FTO: variants seen among roughly 807,000 people sequenced by gnomAD.
FTO encodes alpha-ketoglutarate-dependent dioxygenase FTO.
FTO carries 47 observed loss-of-function variants against 63.9 expected under a neutral mutation model. That is an observed-to-expected ratio of 0.74 (90% CI 0.58 to 0.94). The LOEUF is 0.94. FTO is among the 40% of genes least tolerant of loss of function. FTO has a pLI of 0.00. For synonymous variants in FTO, 207 were observed against 224.4 expected (o/e 0.92, Z 0.69); for missense variants, 562 against 618.1 (o/e 0.91, Z 0.96).
At chr16:53,916,895 G>A (rs2081882818) in intron 7 of FTO, among the ~76,000 whole-genome samples, 2 of 152,224 alleles carry the variant, frequency 1.3e-5, no homozygotes, top group African/African-American at 2.4e-5. Flanking sequence ...TTTGGTGGTT[G>A]TCTTTCTGAG....
chr16:53,953,676 C>T (rs1264368469), intron 8 of FTO, among the ~76,000 whole-genome samples: 1 of 152,132 alleles, frequency 6.6e-6, no homozygotes, highest in Non-Finnish European at 1.5e-5. Flanking sequence ...ATAATATAAA[C>T]ACGTAGGAAT....
At chr16:53,865,651 C>A (rs9936768) in intron 4 of FTO, among the ~76,000 whole-genome samples, 1 of 151,994 alleles carries the variant, frequency 6.6e-6, no homozygotes, top group East Asian at 1.9e-4. Context: ...GTCTGCTTAT[C>A]GTCTCCTCCC....
At chr16:53,756,940 G>A (rs1240082281) in intron 1 of FTO, among the ~76,000 whole-genome samples, 4 of 152,094 alleles carry the variant, frequency 2.6e-5, no homozygotes, top group Non-Finnish European at 5.9e-5. Flanking sequence ...ATAAATGACA[G>A]GCCTGTTAAT....
intron 8 of FTO, among the ~76,000 whole-genome samples, chr16:54,020,475 A>G (rs1297063074): frequency 6.6e-6 from 1 of 152,230 alleles, no homozygotes; most frequent in Middle Eastern, 3.2e-3. Context: ...TTTTTACAAC[A>G]TAAGTACATG....
At position 53,733,885 on chromosome 16, in the gene FTO, T is replaced by C. The variant is rs149722153; in HGVS notation, c.45+29656T>C. On this transcript the variant is annotated intron_variant, in intron 1 of 8. Transcript: ENST00000471389. The stretch of plus-strand genomic sequence containing the variant: ...CAGAATAAAAAGAGGTTTAAATTAA[T>C]GGAAAACTGACTGGAAGGAAGATAT... 7.2e-5 allele frequency among the ~76,000 whole-genome samples: 11 copies of C among 152,268 alleles called. No homozygotes were observed. In the East Asian group the frequency reaches 2.1e-3, roughly 29 times the overall value.
intron 2 of FTO, among the ~76,000 whole-genome samples, chr16:53,824,776 C>T (rs565076589): frequency 6.6e-6 from 1 of 152,086 alleles, no homozygotes; most frequent in Non-Finnish European, 1.5e-5. Context: ...TTTAAGACAG[C>T]CTAAAACTAG....
intron 1 of FTO, among the ~76,000 whole-genome samples, chr16:53,728,274 A>T (rs2076196821): frequency 6.6e-6 from 1 of 152,060 alleles, no homozygotes; most frequent in Non-Finnish European, 1.5e-5. Flanking sequence ...ACTTGAGCTG[A>T]ATAAACATTC....
intron 3 of FTO, 140 bp downstream of exon 3, chr16:53,826,631 AT>A: frequency 1.3e-6 from 1 of 782,196 alleles, no homozygotes. Context: ...GTGTGTGTGT[AT>A]CATGTGTCCT....
chr16:54,029,184 A>G (rs185555937), intron 8 of FTO, among the ~76,000 whole-genome samples: 1 of 152,328 alleles, frequency 6.6e-6, no homozygotes, highest in East Asian at 1.9e-4. Flanking sequence ...AGTGTATCCC[A>G]TATGTTAGAA....
chr16:53,854,817 C>G (rs1452568569), intron 4 of FTO, among the ~76,000 whole-genome samples: 1 of 151,960 alleles, frequency 6.6e-6, no homozygotes, highest in African/African-American at 2.4e-5. Context: ...AATTCTGTGA[C>G]AAATTACATT....
At chr16:53,894,490 G>T (rs1301116295) in intron 7 of FTO, among the ~76,000 whole-genome samples, 1 of 152,118 alleles carries the variant, frequency 6.6e-6, no homozygotes, top group Non-Finnish European at 1.5e-5. Context: ...ACTGGTATTT[G>T]CTATTGTATT....
chr16:54,047,855 C>T lies in FTO; in HGVS notation c.1365-63907C>T, dbSNP rs8047288. On this transcript the variant is annotated intron_variant, in intron 8 of 8. Transcript: ENST00000471389. ...GAAACCATCATTCTCAGTAAACTAT[C>T]GCAAGAACAAAAAACCAAACACCGC... 3.6e-4 allele frequency among the ~76,000 whole-genome samples: 6 copies of T among 16,654 alleles called. No individual in the cohort carries two copies. The East Asian group carries it at 8.4e-3, about 23-fold the overall frequency. 10.9% of individuals were successfully genotyped at this position (16,654 alleles called of 152,430 possible).
intron 8 of FTO, among the ~76,000 whole-genome samples, chr16:53,968,989 G>T (rs1295806759): frequency 6.6e-6 from 1 of 152,154 alleles, no homozygotes; most frequent in Non-Finnish European, 1.5e-5. Flanking sequence ...TGGGGCAAAA[G>T]TTATTATTTT....
chr16:53,893,595 G>A (rs552468500), intron 7 of FTO, among the ~76,000 whole-genome samples: 1 of 151,826 alleles, frequency 6.6e-6, no homozygotes, highest in South Asian at 2.1e-4. Context: ...AATTCACAAT[G>A]ATACAGAAAA....
At chr16:53,895,144 T>C (rs1364518669) in intron 7 of FTO, among the ~76,000 whole-genome samples, 1 of 152,150 alleles carries the variant, frequency 6.6e-6, no homozygotes, top group African/African-American at 2.4e-5. Context: ...TATTGTTCTA[T>C]TAAAAGTAAA....
intron 8 of FTO, among the ~76,000 whole-genome samples, chr16:54,011,683 GTATT>G (rs1280305164): frequency 1.2e-4 from 18 of 151,998 alleles, no homozygotes; most frequent in Admixed American, 1.2e-3. Context: ...TCTTTCAAAA[GTATT>G]TATTAAGATA....
chr16:53,978,704 T>C (rs1407008340), intron 8 of FTO, among the ~76,000 whole-genome samples: 4 of 152,116 alleles, frequency 2.6e-5, no homozygotes, highest in African/African-American at 9.7e-5. Flanking sequence ...AAAATAAAAA[T>C]TACCCATAAT....
chr16:53,766,829 C>G (rs1363271344), intron 1 of FTO, among the ~76,000 whole-genome samples: 1 of 152,040 alleles, frequency 6.6e-6, no homozygotes, highest in Non-Finnish European at 1.5e-5. Context: ...AGTGTTTTTC[C>G]TTCACCTTTT....
intron 8 of FTO, among the ~76,000 whole-genome samples, chr16:54,080,140 A>G (rs537338580): frequency 6.6e-6 from 1 of 152,128 alleles, no homozygotes; most frequent in Non-Finnish European, 1.5e-5. Flanking sequence ...TAATCCCAGC[A>G]CTTTGGGAGG....
Sources: allele counts gnomAD v4.1 joint callset (sites outside exome capture counted in the v4.1 genomes callset), GRCh38; gene constraint gnomAD v4.1.1; transcripts MANE v1.5; gene names NCBI Gene and HGNC (gene_info 2026-07-23, HGNC 2026-07-21).